The following SYNE2 variants were observed in gnomAD, a reference collection of about 807,000 sequenced individuals.
SYNE2 encodes nesprin-2.
Under a neutral mutation model 856.3 loss-of-function variants are expected in SYNE2, and 431 were observed. The observed-to-expected ratio is 0.50, with a 90% CI of 0.47 to 0.55. The LOEUF (loss-of-function observed/expected upper bound fraction) is 0.55. Ranked by LOEUF, SYNE2 falls within the 20% of genes least tolerant of loss-of-function variation. SYNE2 has a pLI of 0.00. For synonymous variants in SYNE2, 2,923 were observed against 2,872.3 expected, an observed-to-expected ratio of 1.02 and a Z score of -0.56; for missense variants, 8,129 against 8,023.2, an observed-to-expected ratio of 1.01 and a Z score of -0.50.
rs11330383 is a variant in SYNE2 at position 64,207,546 on chromosome 14, CAA to C, written c.18202-1198_18202-1197del. Among the ~76,000 whole-genome samples the C allele has an allele frequency of 1.9e-3, 246 of 132,696 alleles. 1 individual carries two copies. The highest frequency in any genetic ancestry group is 2.1e-3 in the Non-Finnish European group (124 of 60,404). 87.1% of individuals were successfully genotyped at this position (132,696 alleles called of 152,430 possible). On this transcript the variant is annotated intron_variant, in intron 100 of 115. Transcript: ENST00000555002. ...CTATAACAGAGTGAAACCCTTGTCTCAAAAAAAAAAAAAAAGAGAGTATGAAA... is the reference window on the plus strand; with the variant it reads ...CTATAACAGAGTGAAACCCTTGTCTCAAAAAAAAAAAAAGAGAGTATGAAA...
intron 80 of SYNE2, 71 bp from the exon 81 acceptor site, chr14:64,141,270 C>T: frequency 1.6e-6 from 2 of 1,246,984 alleles, no homozygotes; most frequent in South Asian, 2.6e-5. Flanking sequence ...TTGACTCTAG[C>T]CAGTTATTCC....
At chr14:64,151,760 C>T (rs1006539910) in intron 84 of SYNE2, among the ~76,000 whole-genome samples, 3 of 152,152 alleles carry the variant, frequency 2.0e-5, no homozygotes, top group Non-Finnish European at 2.9e-5. Context: ...AAATGAATCC[C>T]TCTGAATGCC....
chr14:64,024,650 C>G (rs2096963619), intron 39 of SYNE2, among the ~76,000 whole-genome samples, 191 bp downstream of exon 39: 1 of 152,176 alleles, frequency 6.6e-6, no homozygotes, highest in Admixed American at 6.5e-5. Context: ...TCTAATGTAG[C>G]AAAGGTTCAT....
intron 96 of SYNE2, among the ~76,000 whole-genome samples, chr14:64,179,981 C>T (rs941383873): frequency 6.6e-5 from 10 of 152,180 alleles, no homozygotes; most frequent in Non-Finnish European, 1.3e-4. Flanking sequence ...TGCTTACATT[C>T]TCTTCAAAAA....
At chr14:64,189,941 G>T (rs1012460981) in intron 98 of SYNE2, 130 bp from the exon 99 acceptor site, 2 of 1,023,864 alleles carry the variant, frequency 2.0e-6, no homozygotes, top group Admixed American at 2.3e-5. Flanking sequence ...GGGATTATTG[G>T]TATGAGCCAC....
chr14:64,103,980 A>G (rs1320342580), intron 64 of SYNE2, among the ~76,000 whole-genome samples: 1 of 152,252 alleles, frequency 6.6e-6, no homozygotes, highest in East Asian at 1.9e-4. Flanking sequence ...GCACATTTTT[A>G]TGAATACACC....
At chr14:64,186,132 C>G (rs1006568150) in intron 96 of SYNE2, among the ~76,000 whole-genome samples, 2 of 152,082 alleles carry the variant, frequency 1.3e-5, no homozygotes, top group Non-Finnish European at 2.9e-5. Flanking sequence ...ACACTTTCCT[C>G]TAAATGAAGA....
chr14:64,120,695 G>A (rs1324474624), intron 67 of SYNE2, among the ~76,000 whole-genome samples: 1 of 152,124 alleles, frequency 6.6e-6, no homozygotes, highest in Non-Finnish European at 1.5e-5. Context: ...CCCAAGAGGT[G>A]GAGGTTGCAG....
chr14:64,080,436 C>G lies in SYNE2; in HGVS notation c.11164-20C>G. The G allele has an allele frequency of 6.2e-7, 1 of 1,613,896 alleles. No individual in the cohort carries two copies. The highest frequency in any genetic ancestry group is 8.5e-7 in the Non-Finnish European group (1 of 1,179,888). On this transcript the variant is annotated intron_variant, in intron 55 of 115. Transcript: ENST00000555002. Reference sequence around the variant, plus strand: ...ACTATGACCTCTTCATTCAAGTTGACTTACGATTTCCTTCTCCAGAAAATG... The same window carrying G: ...ACTATGACCTCTTCATTCAAGTTGAGTTACGATTTCCTTCTCCAGAAAATG...
At position 64,190,250 on chromosome 14, in the gene SYNE2, C is replaced by G. The variant is rs1382698253; in HGVS notation, c.18038+13C>G. Reference sequence around the variant, plus strand: ...TCATCGGATCAAGGTAAGAAATGGGCTAAAAATGATTACTCTCCAGGAACA... The same window carrying G: ...TCATCGGATCAAGGTAAGAAATGGGGTAAAAATGATTACTCTCCAGGAACA... On this transcript the variant is annotated intron_variant, in intron 99 of 115. Transcript: ENST00000555002. 1 of 1,613,504 alleles carries G rather than the reference C, an allele frequency of 6.2e-7. No homozygotes were observed. The highest frequency in any genetic ancestry group is 8.5e-7 in the Non-Finnish European group (1 of 1,179,918).
chr14:63,936,030 A>G (rs2095826934), intron 2 of SYNE2, among the ~76,000 whole-genome samples: 1 of 152,086 alleles, frequency 6.6e-6, no homozygotes, highest in Admixed American at 6.6e-5. Context: ...GCCCACCACC[A>G]TGCCTGGCTA....
At chr14:63,797,272 A>T (rs4899118) in intron 1 of SYNE2, among the ~76,000 whole-genome samples, 95,230 of 149,594 alleles carry the variant, frequency 0.64, 30,576 homozygotes, top group South Asian at 0.76. Flanking sequence ...GTGCCCGTAA[A>T]GCCAGCTACT....
At chr14:63,974,880 G>GTATATATATATA (rs1297032187) in intron 11 of SYNE2, among the ~76,000 whole-genome samples, 6 of 28,554 alleles carry the variant, frequency 2.1e-4, no homozygotes, top group Non-Finnish European at 3.4e-4. Flanking sequence ...GTGTGTGTGT[G>GTATATATATATA]TGTGTGTGTG....
Position 63,947,046 on chromosome 14 carries a change from C to T in SYNE2, c.409-2779C>T, listed in dbSNP as rs137909332. 1.4e-3 allele frequency among the ~76,000 whole-genome samples: 214 copies of T among 152,164 alleles called. 2 individuals are homozygous for T. In the South Asian group the frequency reaches 0.015, roughly 10 times the overall value. ...TGTGTTTTTAGTAGAGATGGGGTTT[C>T]GCCATGTTGGTCAGGCTGGTCTTGA... On this transcript the variant is annotated intron_variant, in intron 6 of 115. Coordinates refer to ENST00000555002, the MANE Select transcript of SYNE2 (RefSeq NM_182914.3).
At chr14:63,993,551 A>C in intron 21 of SYNE2, among the ~76,000 whole-genome samples, 1 of 152,216 alleles carries the variant, frequency 6.6e-6, no homozygotes, top group East Asian at 1.9e-4. Context: ...GGGTAACAAA[A>C]ATCATTTTGA....
At chr14:63,808,993 A>G (rs1447718786) in intron 1 of SYNE2, among the ~76,000 whole-genome samples, 1 of 152,214 alleles carries the variant, frequency 6.6e-6, no homozygotes, top group African/African-American at 2.4e-5. Flanking sequence ...ACTGCACTCC[A>G]GCCTGGGTGA....
intron 57 of SYNE2, chr14:64,084,969 ACG>A: frequency 2.8e-6 from 2 of 702,368 alleles, no homozygotes; most frequent in East Asian, 5.4e-5. Flanking sequence ...ACTTACAGAC[ACG>A]TGGGCTCCTC....
At chr14:63,940,070 A>ATTTTTTTTTTTT (rs10666086) in intron 2 of SYNE2, among the ~76,000 whole-genome samples, 1 of 129,400 alleles carries the variant, frequency 7.7e-6, no homozygotes. Flanking sequence ...GTCTCAGTTC[A>ATTTTTTTTTTTT]TTTTTTTTTT....
intron 11 of SYNE2, among the ~76,000 whole-genome samples, chr14:63,970,651 C>CTTTT (rs61126600): frequency 1.9e-4 from 19 of 98,884 alleles, no homozygotes; most frequent in South Asian, 3.6e-4. Flanking sequence ...TTTCTTTTTT[C>CTTTT]TTTTTTTTTT....
Sources: allele counts gnomAD v4.1 joint callset (sites outside exome capture counted in the v4.1 genomes callset), GRCh38; gene constraint gnomAD v4.1.1; transcripts MANE v1.5; gene names NCBI Gene and HGNC (gene_info 2026-07-23, HGNC 2026-07-21).